Variants in ZMYND10 observed in about 807,000 individuals in gnomAD.
ZMYND10 encodes zinc finger MYND-type containing 10.
ZMYND10 carries 52 observed loss-of-function variants against 62.6 expected under a neutral mutation model. That is an observed-to-expected ratio of 0.83 (90% CI 0.67 to 1.05). ZMYND10 has a LOEUF of 1.05. ZMYND10 is among the 50% of genes least tolerant of loss of function. The pLI, the probability that ZMYND10 is intolerant of heterozygous loss-of-function variation, is 0.00. For missense variants in ZMYND10, 438 were observed against 543.3 expected, an observed-to-expected ratio of 0.81 and a Z score of 1.93; for synonymous variants, 197 against 218.5, an observed-to-expected ratio of 0.90 and a Z score of 0.87.
Position 50,343,859 on chromosome 3 carries a change from G to A in ZMYND10, c.202-9C>T, listed in dbSNP as rs1559851816. On this transcript the variant is annotated splice_polypyrimidine_tract_variant and intron_variant, in intron 2 of 11. Transcript: ENST00000231749. The stretch of plus-strand genomic sequence containing the variant: ...TCCACCAGTGTTGGGACCTTTGAAG[G>A]GTAGGGTAAAGGACAGGGATGAGAT... 4.3e-6 allele frequency: 7 copies of A among 1,613,488 alleles called. No individual in the cohort carries two copies. The South Asian group carries it at 6.6e-5, about 15-fold the overall frequency.
Position 50,345,671 on chromosome 3 carries a change from T to G in ZMYND10, c.-92A>C, listed in dbSNP as rs1286305602. ...GACGGACCCCGACGGTGCCAAAGTC[T>G]GGGACAGGACAGTTGCGGGACGGTT... On this transcript the variant is annotated 5_prime_UTR_variant, in exon 1 of 12. Coordinates refer to ENST00000231749, the MANE Select transcript of ZMYND10 (RefSeq NM_015896.4). The surrounding 1 kb of genome is among the most constrained non-coding windows in gnomAD (Gnocchi z 5.0). 3 of 1,538,758 alleles carry G rather than the reference T, an allele frequency of 1.9e-6. No individual in the cohort carries two copies. The highest frequency in any genetic ancestry group is 1.2e-5 in the South Asian group (1 of 82,922).
chr3:50,341,764 C>A (rs1404666119), intron 10 of ZMYND10, 46 bp downstream of exon 10: 1 of 1,611,740 alleles, frequency 6.2e-7, no homozygotes, highest in Non-Finnish European at 8.5e-7. Context: ...CACATCCATG[C>A]CTCCTGCATC....
rs1425844733 is a variant in ZMYND10, at chr3:50,345,095, C to T, written c.201+29G>A. The T allele has an allele frequency of 6.2e-7, 1 of 1,604,266 alleles. No individual in the cohort carries two copies. Among genetic ancestry groups the T allele is most frequent in the Admixed American group, 1.7e-5 (1 of 59,364 alleles). ...AGAGTAGGTGAGGTATGGGGGAAGG[C>T]AGGAACCCTGCCTGTGACCTCGGGG... is the stretch of plus-strand genomic sequence containing the variant. On this transcript the variant is annotated intron_variant, in intron 2 of 11. Transcript: ENST00000231749. The surrounding 1 kb of genome is among the most constrained non-coding windows in gnomAD (Gnocchi z 5.0).
chr3:50,342,227 T>A, intron 8 of ZMYND10, 87 bp from the exon 9 acceptor site: 1 of 1,583,686 alleles, frequency 6.3e-7, no homozygotes, highest in South Asian at 1.2e-5. Flanking sequence ...GGGCTGAGAA[T>A]GCCTGTGGGG....
Position 50,345,714 on chromosome 3 carries a change from G to A in ZMYND10, c.-135C>T, listed in dbSNP as rs921185196. ...GGACGGTTGGGGAGCGTCAGTTCTC[G>A]CAGCCATGGAAACGGGTTAGCCGCG... On this transcript the variant is annotated 5_prime_UTR_variant, in exon 1 of 12. Transcript: ENST00000231749. This position sits in a 1 kb window ranked among gnomAD's most constrained non-coding sequence, Gnocchi z 5.0. The A allele has an allele frequency of 2.9e-5, 43 of 1,473,310 alleles. No homozygotes were observed. Among genetic ancestry groups the A allele is most frequent in the Non-Finnish European group, 3.7e-5 (41 of 1,110,474 alleles). 91.3% of individuals were successfully genotyped at this position (1,473,310 alleles called of 1,614,324 possible).
intron 2 of ZMYND10, chr3:50,344,888 A>C: frequency 2.6e-6 from 1 of 383,542 alleles, no homozygotes; most frequent in Non-Finnish European, 4.9e-6. Context: ...TTGAAGCCTA[A>C]GCTGTTCTAG....
intron 5 of ZMYND10, 33 bp from the exon 6 acceptor site, chr3:50,343,239 C>T: frequency 1.9e-6 from 3 of 1,614,038 alleles, no homozygotes; most frequent in South Asian, 1.1e-5. Context: ...CGCTGGGCCA[C>T]CCTCACCTGC....
At chr3:50,341,773 T>TC (rs1263512480) in intron 10 of ZMYND10, 37 bp downstream of exon 10, 1 of 1,611,804 alleles carries the variant, frequency 6.2e-7, no homozygotes, top group East Asian at 2.2e-5. Flanking sequence ...GCCTCCTGCA[T>TC]CCCCTCCACC....
rs750094357 is a variant in ZMYND10, at chr3:50,343,830, C to T, written c.222G>A (p.Glu74=). ...THGKVPTLVE[E]LIAVEMWKQK... ...GCTTCCACATCTCCACTGCGATCAG[C>T]TCCTCCACCAGTGTTGGGACCTTTG... Residue 74 remains glutamate, a synonymous_variant, in exon 3 of 12, where the codon GAG becomes GAA. Coordinates refer to ENST00000231749, the MANE Select transcript of ZMYND10 (RefSeq NM_015896.4). The T allele has an allele frequency of 6.2e-7, 1 of 1,614,222 alleles. No individual in the cohort carries two copies. The highest frequency in any genetic ancestry group is 1.1e-5 in the South Asian group (1 of 91,088).
chr3:50,341,885 C>T lies in ZMYND10; in HGVS notation c.1046G>A (p.Trp349Ter). 5 of 1,614,168 alleles carry T rather than the reference C, an allele frequency of 3.1e-6. No individual in the cohort carries two copies. The highest frequency in any genetic ancestry group is 4.2e-6 in the Non-Finnish European group (5 of 1,180,032). ...GAGCTGGTGCTTGGCAATTGCCTGCCACTTGCCTCTGTTTTCTCGCTCCAG... is the reference window on the plus strand; with the variant it reads ...GAGCTGGTGCTTGGCAATTGCCTGCTACTTGCCTCTGTTTTCTCGCTCCAG... ...ERLERENRGK[W>*]QAIAKHQLQH... The change falls in exon 10 of 12, where the codon TGG (tryptophan) becomes TAG (stop). Residue 349 changes from tryptophan to a stop codon, truncating the protein, a stop_gained. Transcript: ENST00000231749. LOFTEE classifies it high-confidence loss of function.
intron 8 of ZMYND10, 21 bp from the exon 9 acceptor site, chr3:50,342,161 G>A (rs1271381790): frequency 6.2e-7 from 1 of 1,603,236 alleles, no homozygotes; most frequent in Middle Eastern, 1.9e-4. Flanking sequence ...GTCCAGTGGA[G>A]GCCAGTGTGA....
intron 7 of ZMYND10, 39 bp from the exon 8 acceptor site, chr3:50,342,608 A>G (rs1703420916): frequency 6.3e-7 from 1 of 1,590,916 alleles, no homozygotes; most frequent in Non-Finnish European, 8.6e-7. Context: ...CAGACGTTGA[A>G]TTCTCTTCAA....
At position 50,345,415 on chromosome 3, in the gene ZMYND10, C is replaced by A; in HGVS notation, c.92+73G>T. ...AGCCCCTCCACACTGGGCAGCCCCT[C>A]CCCCGAGTCAGGCCCCAGCTCCCCG... On this transcript the variant is annotated intron_variant, in intron 1 of 11. Transcript: ENST00000231749. The surrounding 1 kb of genome is among the most constrained non-coding windows in gnomAD (Gnocchi z 5.0). The A allele has an allele frequency of 6.5e-7, 1 of 1,541,462 alleles. No individual in the cohort carries two copies.
At chr3:50,344,897 A>G (rs1703497866) in intron 2 of ZMYND10, 1 of 446,684 alleles carries the variant, frequency 2.2e-6, no homozygotes, top group Admixed American at 3.4e-5. Context: ...AAGCTGTTCT[A>G]GGACCTACAG....
At chr3:50,344,933 T>C in intron 2 of ZMYND10, 191 bp downstream of exon 2, 2 of 577,566 alleles carry the variant, frequency 3.5e-6, no homozygotes, top group Admixed American at 3.0e-5. Context: ...ACTCATGCCC[T>C]GCACCCAGCC....
Position 50,342,581 on chromosome 3 carries a change from A to G in ZMYND10, c.701-12T>C. 1 of 1,608,972 alleles carries G rather than the reference A, an allele frequency of 6.2e-7. No homozygotes were observed. Among genetic ancestry groups the G allele is most frequent in the Non-Finnish European group, 8.5e-7 (1 of 1,176,402 alleles). ...CTGCTGCAGCTTGCCTGGGGAGAGGAACCAGCACACTGGGTGCAGACGTTG... is the reference window on the plus strand; with the variant it reads ...CTGCTGCAGCTTGCCTGGGGAGAGGGACCAGCACACTGGGTGCAGACGTTG... On this transcript the variant is annotated splice_polypyrimidine_tract_variant and intron_variant, in intron 7 of 11. Coordinates refer to ENST00000231749, the MANE Select transcript of ZMYND10 (RefSeq NM_015896.4).
In ZMYND10 at chr3:50,341,486, C is replaced by T. The variant is rs145320643; in HGVS notation, c.1248-1G>A. 1.2e-6 allele frequency: 2 copies of T among 1,614,238 alleles called. No homozygotes were observed. Among genetic ancestry groups the T allele is most frequent in the Non-Finnish European group, 1.7e-6 (2 of 1,180,022 alleles). On this transcript the variant is annotated splice_acceptor_variant, in intron 11 of 11. Transcript: ENST00000231749. LOFTEE classifies it high-confidence loss of function. ...TTCCCAGTGCTTGACTTGGCACTCC[C>T]TGCAGGCAGGTGGGTATTGAGGATG...
intron 2 of ZMYND10, among the ~76,000 whole-genome samples, chr3:50,344,641 A>G (rs933265056): frequency 2.8e-5 from 4 of 144,478 alleles, no homozygotes; most frequent in African/African-American, 7.8e-5. Context: ...TTTTTGGTCA[A>G]TTGATATCTC....
Position 50,345,420 on chromosome 3 carries a change from G to A in ZMYND10, c.92+68C>T. ...CTCCACACTGGGCAGCCCCTCCCCC[G>A]AGTCAGGCCCCAGCTCCCCGACTCA... On this transcript the variant is annotated intron_variant, in intron 1 of 11. Coordinates refer to ENST00000231749, the MANE Select transcript of ZMYND10 (RefSeq NM_015896.4). The surrounding 1 kb of genome is among the most constrained non-coding windows in gnomAD (Gnocchi z 5.0). 1 of 1,542,926 alleles carries A rather than the reference G, an allele frequency of 6.5e-7. No homozygotes were observed. The highest frequency in any genetic ancestry group is 8.8e-7 in the Non-Finnish European group (1 of 1,140,670).
Sources: gnomAD v4.1 joint callset for allele counts (sites outside exome capture counted in the v4.1 genomes callset) on GRCh38, gnomAD v4.1.1 for gene constraint, Gnocchi (gnomAD v3.1) non-coding constraint, MANE v1.5 for transcripts, NCBI Gene and HGNC (gene_info 2026-07-23, HGNC 2026-07-21) for gene names.